The following SORD variants were observed in gnomAD, a reference collection of about 807,000 sequenced individuals.
SORD encodes sorbitol dehydrogenase.
Under a neutral mutation model 35.6 loss-of-function variants are expected in SORD, and 18 were observed. The observed-to-expected ratio is 0.51, with a 90% CI of 0.35 to 0.75. The LOEUF (loss-of-function observed/expected upper bound fraction) is 0.75, where lower values mean the gene tolerates loss of function less well. Ranked by LOEUF, SORD falls within the 30% of genes least tolerant of loss-of-function variation. SORD has a pLI of 0.01. For missense variants in SORD, 250 were observed against 390.2 expected, an observed-to-expected ratio of 0.64 and a Z score of 3.03; for synonymous variants, 106 against 152.9, an observed-to-expected ratio of 0.69 and a Z score of 2.26.
intron 3 of SORD, among the ~76,000 whole-genome samples, chr15:45,046,929 A>C (rs1014605124): frequency 1.1e-4 from 16 of 152,096 alleles, no homozygotes; most frequent in African/African-American, 3.9e-4. Flanking sequence ...GAGGCAGGAG[A>C]ATTTCTTGAA....
chr15:45,070,655 G>A (rs1421686894), intron 7 of SORD: 1 of 152,286 alleles, frequency 6.6e-6, no homozygotes, highest in Non-Finnish European at 1.5e-5. Context: ...TCTACCCATG[G>A]TATGTCTTGG....
intron 3 of SORD, among the ~76,000 whole-genome samples, chr15:45,055,757 C>A (rs937281451): frequency 6.6e-6 from 1 of 152,172 alleles, no homozygotes; most frequent in Admixed American, 6.5e-5. Flanking sequence ...TACTGGCAAA[C>A]CAAATCCAGC....
intron 1 of SORD, among the ~76,000 whole-genome samples, chr15:45,027,956 G>A (rs1241028544): frequency 7.9e-5 from 12 of 152,312 alleles, no homozygotes; most frequent in Admixed American, 7.2e-4. Flanking sequence ...CACAATGAAG[G>A]GCCAATTTTA....
intron 3 of SORD, among the ~76,000 whole-genome samples, chr15:45,047,674 C>G (rs573167027): frequency 6.6e-5 from 10 of 152,220 alleles, no homozygotes; most frequent in Non-Finnish European, 1.3e-4. Flanking sequence ...ATCCATCAGA[C>G]CTTTCCTGAA....
At chr15:45,072,247 A>G in intron 7 of SORD, 70 bp from the exon 8 acceptor site, 2 of 393,740 alleles carry the variant, frequency 5.1e-6, no homozygotes, top group South Asian at 2.3e-5. Context: ...TGTGATGACA[A>G]TATGTTATTG....
intron 3 of SORD, among the ~76,000 whole-genome samples, chr15:45,056,988 G>T (rs376104148): frequency 5.3e-5 from 8 of 152,174 alleles, no homozygotes; most frequent in African/African-American, 1.9e-4. Context: ...ATCTCAATGC[G>T]CACACCTTTG....
At chr15:45,065,767 A>C (rs533018610) in intron 5 of SORD, among the ~76,000 whole-genome samples, 30 of 152,222 alleles carry the variant, frequency 2.0e-4, no homozygotes, top group African/African-American at 6.5e-4. Flanking sequence ...AAAAAAATAC[A>C]AAAATTAGCA....
intron 1 of SORD, among the ~76,000 whole-genome samples, chr15:45,037,771 G>A (rs942304315): frequency 1.3e-5 from 2 of 151,724 alleles, no homozygotes; most frequent in African/African-American, 2.4e-5. Context: ...TGGACACAGG[G>A]AGGGGACCAT....
chr15:45,050,200 G>C (rs537042672), intron 3 of SORD, among the ~76,000 whole-genome samples: 2 of 152,140 alleles, frequency 1.3e-5, no homozygotes, highest in African/African-American at 4.8e-5. Flanking sequence ...TCCTGCCTCA[G>C]CCTCCTGAGT....
intron 5 of SORD, among the ~76,000 whole-genome samples, chr15:45,066,296 G>A (rs1264255974): frequency 1.4e-5 from 2 of 147,658 alleles, no homozygotes; most frequent in East Asian, 4.0e-4. Flanking sequence ...TTGAACCCTT[G>A]ATGGGAAACT....
intron 3 of SORD, among the ~76,000 whole-genome samples, chr15:45,051,323 A>C (rs1261976463): frequency 2.0e-5 from 3 of 152,216 alleles, no homozygotes; most frequent in African/African-American, 7.2e-5. Flanking sequence ...AATATAACCT[A>C]AAGAAGATTA....
At chr15:45,045,251 C>T (rs1254467013) in intron 3 of SORD, among the ~76,000 whole-genome samples, 4 of 152,056 alleles carry the variant, frequency 2.6e-5, no homozygotes, top group South Asian at 2.1e-4. Context: ...TAAGAGGAAG[C>T]GAATGGCTGG....
intron 7 of SORD, 110 bp downstream of exon 7, chr15:45,069,162 T>A: frequency 1.8e-6 from 1 of 545,756 alleles, no homozygotes; most frequent in Non-Finnish European, 2.9e-6. Flanking sequence ...AAGCCAAACT[T>A]ATTCATCTTT....
intron 4 of SORD, among the ~76,000 whole-genome samples, chr15:45,063,842 T>C (rs1893362543): frequency 6.6e-6 from 1 of 151,284 alleles, no homozygotes; most frequent in Non-Finnish European, 1.5e-5. Flanking sequence ...GGGATACTTC[T>C]AGGGGGAGTA....
At chr15:45,072,607 G>C (rs575651236) in intron 8 of SORD, among the ~76,000 whole-genome samples, 169 bp downstream of exon 8, 2,266 of 143,824 alleles carry the variant, frequency 0.016, 34 homozygotes, top group Non-Finnish European at 0.02. Context: ...AACACTCACT[G>C]CCAGTTAAAG....
intron 1 of SORD, among the ~76,000 whole-genome samples, chr15:45,038,645 C>A (rs1246622543): frequency 2.0e-5 from 3 of 152,168 alleles, no homozygotes; most frequent in African/African-American, 7.2e-5. Flanking sequence ...GTACCTGATG[C>A]TAAAGCGATG....
rs748831964 is a variant in SORD, at chr15:45,023,340, C to G, written c.57C>G (p.Asp19Glu). 28 of 1,578,682 alleles carry G rather than the reference C, an allele frequency of 1.8e-5. No homozygotes were observed. Among genetic ancestry groups the G allele is most frequent in the South Asian group, 4.6e-5 (4 of 86,040 alleles). Residue 19 changes from aspartate (D) to glutamate (E), a missense_variant, in exon 1 of 9, where the codon GAC (aspartate) becomes GAG (glutamate). Asp to Glu is a conservative substitution (Grantham distance 45). Transcript: ENST00000267814. ...NLSLVVHGPG[D>E]LRLENYPIPE... ...CCCTGGTGGTGCACGGACCGGGGGA[C>G]TTGCGCCTGGTAAGCTGGGAAGGAG...
chr15:45,045,705 C>T (rs1263238732), intron 3 of SORD, among the ~76,000 whole-genome samples: 5 of 151,980 alleles, frequency 3.3e-5, no homozygotes, highest in South Asian at 2.1e-4. Flanking sequence ...ATAAAAGTCC[C>T]CCTTTAAAAA....
chr15:45,045,471 T>C (rs1353855315), intron 3 of SORD, among the ~76,000 whole-genome samples: 2 of 137,048 alleles, frequency 1.5e-5, no homozygotes, highest in African/African-American at 5.4e-5. Context: ...AGGTGGAGGT[T>C]GCAGTGAGCT....
Sources: allele counts gnomAD v4.1 joint callset (sites outside exome capture counted in the v4.1 genomes callset), GRCh38; gene constraint gnomAD v4.1.1; transcripts MANE v1.5; gene names NCBI Gene and HGNC (gene_info 2026-07-23, HGNC 2026-07-21).